The following RAPGEF4 variants were observed in gnomAD, a reference collection of about 807,000 sequenced individuals.
RAPGEF4 encodes RAP guanine-nucleotide-exchange factor (GEF) 4.
A neutral mutation model predicts 147.9 loss-of-function variants in RAPGEF4; 66 were observed. The ratio of observed to expected loss-of-function variants is 0.45; its 90% CI spans 0.37 to 0.55. RAPGEF4 has a LOEUF of 0.55. Ranked by LOEUF, RAPGEF4 falls within the 20% of genes least tolerant of loss-of-function variation. The probability of loss-of-function intolerance (pLI) is 0.00; values close to 1 mark genes in which losing one functional copy is unlikely to be tolerated. For synonymous variants in RAPGEF4, 419 were observed against 442.7 expected (o/e 0.95, Z 0.67); for missense variants, 1,071 against 1,257.3 (o/e 0.85, Z 2.24).
chr2:172,864,988 AAATG>A (rs1694466370), intron 4 of RAPGEF4, among the ~76,000 whole-genome samples: 1 of 152,212 alleles, frequency 6.6e-6, no homozygotes, highest in African/African-American at 2.4e-5. Flanking sequence ...GGATACTTGG[AAATG>A]AATGAAGCAG....
At chr2:172,902,503 A>G (rs1699177722) in intron 4 of RAPGEF4, among the ~76,000 whole-genome samples, 1 of 151,892 alleles carries the variant, frequency 6.6e-6, no homozygotes, top group Non-Finnish European at 1.5e-5. Context: ...GGCTTTCACC[A>G]TGTTGGCCAG....
At chr2:173,045,673 A>C (rs147078093) in intron 29 of RAPGEF4, among the ~76,000 whole-genome samples, 120 of 152,384 alleles carry the variant, frequency 7.9e-4, no homozygotes, top group African/African-American at 2.5e-3. Context: ...ATGAGCGAAA[A>C]GTAAAAGGAG....
chr2:172,946,663 C>T (rs185273185), intron 6 of RAPGEF4, among the ~76,000 whole-genome samples: 2 of 152,310 alleles, frequency 1.3e-5, no homozygotes, highest in African/African-American at 4.8e-5. Flanking sequence ...AATCCCACCT[C>T]CTCTGGGAAG....
chr2:173,034,964 A>G lies in RAPGEF4; in HGVS notation c.2700+1000A>G, dbSNP rs140367899. Among the ~76,000 whole-genome samples the G allele has an allele frequency of 1.0e-3, 158 of 152,042 alleles. 2 individuals are homozygous for G. In the East Asian group the frequency reaches 0.029, roughly 28 times the overall value. On this transcript the variant is annotated intron_variant, in intron 27 of 30. Transcript: ENST00000397081. ...TACCTTTCTTTTGTAGCTATATTTG[A>G]TTCAGAAATACAGTTGAGCCTTGAA...
At chr2:172,988,984 T>G in intron 14 of RAPGEF4, 145 bp downstream of exon 14, 3 of 892,548 alleles carry the variant, frequency 3.4e-6, no homozygotes, top group Non-Finnish European at 5.0e-6. Flanking sequence ...AAACCGGTTA[T>G]ATTTAATGTG....
In RAPGEF4 at chr2:173,048,495, A is replaced by G. The variant is rs945403836; in HGVS notation, c.2854-105A>G. The G allele has an allele frequency of 5.2e-6, 8 of 1,525,962 alleles. No individual in the cohort carries two copies. The East Asian group carries it at 1.9e-4, about 37-fold the overall frequency. 94.5% of individuals were successfully genotyped at this position (1,525,962 alleles called of 1,614,324 possible). A position where few individuals can be genotyped will look rare whatever the true frequency, so the allele number is the denominator to read the frequency against. On this transcript the variant is annotated intron_variant, in intron 29 of 30. Transcript: ENST00000397081. ...GATAGTCAACATCTCAGAACATGTC[A>G]CTTCTCATGGTACCAAGTATTGCAG...
intron 6 of RAPGEF4, among the ~76,000 whole-genome samples, chr2:172,932,116 G>A (rs1686059217): frequency 6.6e-6 from 1 of 151,856 alleles, no homozygotes; most frequent in South Asian, 2.1e-4. Flanking sequence ...CGGTGTTCAT[G>A]CATGTCTAAC....
At chr2:172,824,278 C>G (rs2149642741) in intron 4 of RAPGEF4, among the ~76,000 whole-genome samples, 1 of 152,288 alleles carries the variant, frequency 6.6e-6, no homozygotes, top group South Asian at 2.1e-4. Flanking sequence ...AAGCCAAAAT[C>G]TCTAGAAGAT....
rs200587448 is a variant in RAPGEF4, at chr2:172,754,459, AT to A, written c.65+18412del. 7.0e-3 allele frequency among the ~76,000 whole-genome samples: 1,066 copies of A among 152,336 alleles called. 15 individuals carry two copies. The highest frequency in any genetic ancestry group is 0.024 in the African/African-American group (997 of 41,578). Reference sequence around the variant, plus strand: ...ATATCTATAGAACTAAAATTAGTTAATGTAAGTTAAGAGATTTAAGGTTTTT... The same window carrying A: ...ATATCTATAGAACTAAAATTAGTTAAGTAAGTTAAGAGATTTAAGGTTTTT... On this transcript the variant is annotated intron_variant, in intron 1 of 30. Transcript: ENST00000397081.
chr2:172,943,473 A>C (rs904474698), intron 6 of RAPGEF4, among the ~76,000 whole-genome samples: 2 of 152,200 alleles, frequency 1.3e-5, no homozygotes, highest in Admixed American at 6.5e-5. Context: ...GGTTGTTGTT[A>C]GTATTCAATA....
At chr2:172,933,340 G>A (rs541563974) in intron 6 of RAPGEF4, among the ~76,000 whole-genome samples, 1 of 152,176 alleles carries the variant, frequency 6.6e-6, no homozygotes, top group Admixed American at 6.5e-5. Flanking sequence ...TAAGAGAGAA[G>A]GTACTCAAGG....
At chr2:172,861,665 T>G (rs1694065794) in intron 4 of RAPGEF4, among the ~76,000 whole-genome samples, 1 of 152,230 alleles carries the variant, frequency 6.6e-6, no homozygotes, top group African/African-American at 2.4e-5. Context: ...TGCTGAATCT[T>G]AATCTGTTTA....
intron 4 of RAPGEF4, among the ~76,000 whole-genome samples, chr2:172,915,200 C>T (rs1430387595): frequency 6.6e-6 from 1 of 152,152 alleles, no homozygotes; most frequent in African/African-American, 2.4e-5. Flanking sequence ...AGCTATTATG[C>T]TGGAACCCAT....
Position 172,777,918 on chromosome 2 carries a change from A to G in RAPGEF4, c.66-17107A>G, listed in dbSNP as rs550028747. On this transcript the variant is annotated intron_variant, in intron 1 of 30. Transcript: ENST00000397081. ...TTGTTTTCTGTGGGTGAAGGAGGTTAGTTTTCTGCCAGTTACTCCATTACA... is the reference window on the plus strand; with the variant it reads ...TTGTTTTCTGTGGGTGAAGGAGGTTGGTTTTCTGCCAGTTACTCCATTACA... 5.9e-5 allele frequency among the ~76,000 whole-genome samples: 9 copies of G among 152,232 alleles called. No individual in the cohort carries two copies. The South Asian group carries it at 1.9e-3, about 32-fold the overall frequency.
In RAPGEF4 at chr2:173,001,342, C is replaced by T. The variant is rs1256855250; in HGVS notation, c.1656C>T (p.Ala552=). ...CCCAGCTTTGCCCGGCACTGGTGGC[C>T]CAATATCCTTTTATTGTGATTGTAA... is the stretch of plus-strand genomic sequence containing the variant. ...PNTQLCPALV[A]HYHAQPSQGT... Residue 552 remains alanine (A), a splice_region_variant and synonymous_variant, in exon 17 of 31, where the codon GCC becomes GCT. Transcript: ENST00000397081. 6.2e-6 allele frequency: 10 copies of T among 1,613,796 alleles called. No homozygotes were observed. Among genetic ancestry groups the T allele is most frequent in the Non-Finnish European group, 8.5e-6 (10 of 1,179,938 alleles).
intron 22 of RAPGEF4, among the ~76,000 whole-genome samples, chr2:173,019,250 C>T (rs1575533182): frequency 6.6e-6 from 1 of 152,198 alleles, no homozygotes; most frequent in Non-Finnish European, 1.5e-5. Context: ...AGGCTAGGAG[C>T]CTGGCTCAAA....
chr2:172,902,728 A>C (rs996450881), intron 4 of RAPGEF4, among the ~76,000 whole-genome samples: 6 of 152,222 alleles, frequency 3.9e-5, no homozygotes, highest in African/African-American at 1.4e-4. Flanking sequence ...GATATAAAGT[A>C]TGGGCCTGGG....
intron 4 of RAPGEF4, 129 bp downstream of exon 4, chr2:172,814,554 CA>C: frequency 8.3e-7 from 1 of 1,202,872 alleles, no homozygotes; most frequent in East Asian, 2.5e-5. Flanking sequence ...ATTTAATTTT[CA>C]AAACTTGTTT....
intron 4 of RAPGEF4, among the ~76,000 whole-genome samples, chr2:172,880,157 T>C (rs1216724176): frequency 6.6e-6 from 1 of 152,164 alleles, no homozygotes; most frequent in Non-Finnish European, 1.5e-5. Context: ...TCATTAAACA[T>C]AAAATGTTGC....
Sources: allele counts gnomAD v4.1 joint callset (sites outside exome capture counted in the v4.1 genomes callset), GRCh38; gene constraint gnomAD v4.1.1; transcripts MANE v1.5; gene names NCBI Gene and HGNC (gene_info 2026-07-23, HGNC 2026-07-21).